EYA4: variants seen among roughly 807,000 people sequenced by gnomAD.
EYA4 encodes EYA transcriptional coactivator and phosphatase 4.
EYA4 carries 31 observed loss-of-function variants against 87.9 expected under a neutral mutation model. The ratio of observed to expected loss-of-function variants is 0.35; its 90% CI spans 0.27 to 0.48. The LOEUF (loss-of-function observed/expected upper bound fraction) is 0.48. Ranked by LOEUF, EYA4 falls within the 20% of genes least tolerant of loss-of-function variation. EYA4 has a pLI of 0.99. For synonymous variants in EYA4, 263 were observed against 270.6 expected (o/e 0.97, Z 0.28); for missense variants, 678 against 761.4 (o/e 0.89, Z 1.29).
chr6:133,408,156 A>C (rs1322882124), intron 3 of EYA4, among the ~76,000 whole-genome samples: 3 of 152,312 alleles, frequency 2.0e-5, no homozygotes, highest in African/African-American at 7.2e-5. Context: ...TAAACACATC[A>C]ATCATTTTAC....
At chr6:133,349,637 G>A (rs890119489) in intron 2 of EYA4, among the ~76,000 whole-genome samples, 30 of 152,278 alleles carry the variant, frequency 2.0e-4, no homozygotes, top group African/African-American at 6.5e-4. Context: ...GGCCAGAAAT[G>A]TAAGTGTATG....
At chr6:133,286,199 C>T (rs56321302) in intron 2 of EYA4, among the ~76,000 whole-genome samples, 22,965 of 152,010 alleles carry the variant, frequency 0.15, 1,902 homozygotes, top group Middle Eastern at 0.2. Context: ...TTATGAAGAA[C>T]GCTGGATTGC....
chr6:133,446,868 A>G, intron 4 of EYA4, 114 bp downstream of exon 4: 3 of 1,047,368 alleles, frequency 2.9e-6, no homozygotes, highest in Non-Finnish European at 1.4e-6. Context: ...ACAAATCAGC[A>G]TTATATCCAA....
intron 1 of EYA4, among the ~76,000 whole-genome samples, chr6:133,269,498 A>T (rs1408797197): frequency 9.0e-6 from 1 of 111,032 alleles, no homozygotes; most frequent in African/African-American, 3.6e-5. Context: ...AAAAAAACAT[A>T]CCTTTGATCT....
At chr6:133,351,407 C>A (rs1783631504) in intron 2 of EYA4, among the ~76,000 whole-genome samples, 1 of 152,282 alleles carries the variant, frequency 6.6e-6, no homozygotes, top group South Asian at 2.1e-4. Context: ...CAGTCTTTAG[C>A]AACTATATAG....
At position 133,456,611 on chromosome 6, in the gene EYA4, G is replaced by A. The variant is rs780325672; in HGVS notation, c.333G>A (p.Thr111=). The change falls in exon 6 of 20, where the codon ACG becomes ACA. Residue 111 remains threonine (T), a synonymous_variant. Transcript: ENST00000355286. ...EPLNSSETTA[T]TGDGALDTFT... is the part of the protein sequence containing the mutation. ...TGAACAGCAGTGAAACCACAGCCAC[G>A]ACTGGAGATGGAGCGCTTGACACTT... The A allele has an allele frequency of 9.3e-6, 15 of 1,613,502 alleles. No individual in the cohort carries two copies. The highest frequency in any genetic ancestry group is 5.0e-5 in the Admixed American group (3 of 59,968).
At chr6:133,388,197 G>A (rs1341086106) in intron 3 of EYA4, among the ~76,000 whole-genome samples, 3 of 151,842 alleles carry the variant, frequency 2.0e-5, no homozygotes, top group Non-Finnish European at 4.4e-5. Context: ...ATCTGAGGTT[G>A]GGAGTTCGAG....
At chr6:133,460,134 A>G (rs1794250320) in intron 6 of EYA4, among the ~76,000 whole-genome samples, 1 of 152,164 alleles carries the variant, frequency 6.6e-6, no homozygotes, top group South Asian at 2.1e-4. Context: ...CAACTCAGAA[A>G]GGACATAGTA....
chr6:133,378,014 G>A (rs940951342), intron 2 of EYA4, among the ~76,000 whole-genome samples: 5 of 151,790 alleles, frequency 3.3e-5, no homozygotes, highest in Admixed American at 6.6e-5. Flanking sequence ...GAAATTTTTG[G>A]AAGTGATGGA....
chr6:133,302,417 G>A (rs1779480505), intron 2 of EYA4, among the ~76,000 whole-genome samples: 1 of 152,026 alleles, frequency 6.6e-6, no homozygotes, highest in African/African-American at 2.4e-5. Flanking sequence ...TACTAAAGTT[G>A]TACAAAAATT....
At chr6:133,253,907 G>T (rs62430277) in intron 1 of EYA4, among the ~76,000 whole-genome samples, 2 of 152,214 alleles carry the variant, frequency 1.3e-5, no homozygotes, top group Non-Finnish European at 1.5e-5. Flanking sequence ...ACCTGGAGAT[G>T]TTAATGGAAA....
intron 2 of EYA4, among the ~76,000 whole-genome samples, chr6:133,325,586 C>T (rs1050710919): frequency 6.6e-6 from 1 of 152,182 alleles, no homozygotes; most frequent in Admixed American, 6.5e-5. Flanking sequence ...TCAAGATTGA[C>T]TTTATGACAT....
chr6:133,408,174 C>T (rs1788891143), intron 3 of EYA4, among the ~76,000 whole-genome samples: 1 of 152,050 alleles, frequency 6.6e-6, no homozygotes, highest in Admixed American at 6.6e-5. Flanking sequence ...TACATTTGGC[C>T]CCTTTGCATG....
intron 14 of EYA4, chr6:133,510,572 G>A (rs1418589409): frequency 1.2e-5 from 3 of 254,324 alleles, no homozygotes; most frequent in Non-Finnish European, 1.6e-5. Flanking sequence ...TGCTTGCAAT[G>A]CCTTTACTGG....
chr6:133,468,773 CA>C, intron 11 of EYA4, 42 bp downstream of exon 11: 1 of 1,599,524 alleles, frequency 6.3e-7, no homozygotes, highest in Non-Finnish European at 8.6e-7. Context: ...ATATGTTTTG[CA>C]ATATCTAATA....
intron 2 of EYA4, among the ~76,000 whole-genome samples, chr6:133,294,062 T>TATATATATATATATATATATAA (rs71003632): frequency 7.6e-5 from 8 of 105,160 alleles, no homozygotes; most frequent in South Asian, 3.3e-4. Context: ...TATATATATA[T>TATATATATATATATATATATAA]AATTCTATTC....
At position 133,531,233 on chromosome 6, in the gene EYA4, A is replaced by C; in HGVS notation, c.*2428A>C. 1 of 1,531,954 alleles carries C rather than the reference A, an allele frequency of 6.5e-7. No homozygotes were observed. Among genetic ancestry groups the C allele is most frequent in the East Asian group, 2.4e-5 (1 of 40,886 alleles). 94.9% of individuals were successfully genotyped at this position (1,531,954 alleles called of 1,614,324 possible). ...GAAGAGGCTGCCGGCATAAAACCTA[A>C]ATGCAAGGTTGACGGAGAACAGCTT... On this transcript the variant is annotated 3_prime_UTR_variant, in exon 20 of 20. Transcript: ENST00000355286.
At chr6:133,286,040 T>C (rs1208773823) in intron 2 of EYA4, among the ~76,000 whole-genome samples, 1 of 152,170 alleles carries the variant, frequency 6.6e-6, no homozygotes, top group Non-Finnish European at 1.5e-5. Flanking sequence ...ATATAACTAG[T>C]GCTGGCCTGT....
At chr6:133,270,918 C>T (rs1776637139) in intron 1 of EYA4, among the ~76,000 whole-genome samples, 1 of 152,066 alleles carries the variant, frequency 6.6e-6, no homozygotes, top group East Asian at 1.9e-4. Flanking sequence ...TAGGAGGAGC[C>T]CAAAGTGTCC....
Sources: gnomAD v4.1 joint callset for allele counts (sites outside exome capture counted in the v4.1 genomes callset) on GRCh38, gnomAD v4.1.1 for gene constraint, MANE v1.5 for transcripts, NCBI Gene and HGNC (gene_info 2026-07-23, HGNC 2026-07-21) for gene names.